Variants in ALCAM observed in about 807,000 individuals in gnomAD.
ALCAM encodes the protein activated leukocyte cell adhesion molecule, also known as CD166 antigen.
ALCAM carries 30 observed loss-of-function variants against 70.9 expected under a neutral mutation model. That is an observed-to-expected ratio of 0.42 (90% CI 0.32 to 0.57). The LOEUF (loss-of-function observed/expected upper bound fraction) is 0.57. ALCAM is among the 20% of genes least tolerant of loss of function. The pLI is 0.11. For missense variants in ALCAM, 591 were observed against 695.1 expected (o/e 0.85, Z 1.68); for synonymous variants, 249 against 242.5 (o/e 1.03, Z -0.25).
chr3:105,441,599 C>T (rs1576164990), intron 1 of ALCAM, among the ~76,000 whole-genome samples: 2 of 152,156 alleles, frequency 1.3e-5, no homozygotes, highest in African/African-American at 2.4e-5. Context: ...GACTGTGCAT[C>T]CTTCCCAACT....
intron 15 of ALCAM, among the ~76,000 whole-genome samples, chr3:105,572,389 C>T (rs1940876939): frequency 1.3e-5 from 2 of 152,146 alleles, no homozygotes; most frequent in African/African-American, 4.8e-5. Flanking sequence ...CAGCTTCATC[C>T]ATGTCCTTAC....
intron 3 of ALCAM, among the ~76,000 whole-genome samples, chr3:105,527,424 T>C (rs1196121007): frequency 1.3e-5 from 2 of 152,138 alleles, no homozygotes; most frequent in Non-Finnish European, 2.9e-5. Context: ...GATTCACTCC[T>C]CATCAGTAAA....
chr3:105,573,694 C>A (rs929650698), intron 15 of ALCAM, among the ~76,000 whole-genome samples: 7 of 152,102 alleles, frequency 4.6e-5, no homozygotes, highest in Admixed American at 1.3e-4. Context: ...GCCATTTGGA[C>A]TATTAATGTG....
At chr3:105,493,166 G>T (rs142572779) in intron 1 of ALCAM, among the ~76,000 whole-genome samples, 68 of 152,232 alleles carry the variant, frequency 4.5e-4, no homozygotes, top group African/African-American at 1.6e-3. Context: ...TGCTTGGATA[G>T]CCTTTTGCAA....
At chr3:105,400,714 G>T (rs1430967358) in intron 1 of ALCAM, among the ~76,000 whole-genome samples, 1 of 152,154 alleles carries the variant, frequency 6.6e-6, no homozygotes, top group Non-Finnish European at 1.5e-5. Flanking sequence ...TGGTAGTTGT[G>T]TTGGAAGTGG....
At chr3:105,562,696 G>T (rs1199272304) in intron 14 of ALCAM, among the ~76,000 whole-genome samples, 1 of 152,092 alleles carries the variant, frequency 6.6e-6, no homozygotes, top group African/African-American at 2.4e-5. Flanking sequence ...TTCCAAGTTT[G>T]TTAATTCGTT....
chr3:105,438,448 T>A (rs1284587947), intron 1 of ALCAM, among the ~76,000 whole-genome samples: 1 of 152,134 alleles, frequency 6.6e-6, no homozygotes, highest in Non-Finnish European at 1.5e-5. Context: ...AAAATCTCTA[T>A]AATTCAATAA....
chr3:105,489,272 C>T (rs189780548), intron 1 of ALCAM, among the ~76,000 whole-genome samples: 9 of 152,164 alleles, frequency 5.9e-5, no homozygotes, highest in South Asian at 2.1e-4. Context: ...TTAGAGGGTG[C>T]GGTGCCGAGA....
At chr3:105,541,431 C>T (rs533690032) in intron 7 of ALCAM, among the ~76,000 whole-genome samples, 1 of 151,916 alleles carries the variant, frequency 6.6e-6, no homozygotes, top group African/African-American at 2.4e-5. Flanking sequence ...TAAATCAGCT[C>T]TCAAATTCCT....
intron 1 of ALCAM, among the ~76,000 whole-genome samples, chr3:105,425,082 TGAG>T (rs10576141): frequency 0.24 from 36,660 of 151,506 alleles, 4,998 homozygotes; most frequent in Non-Finnish European, 0.33. Flanking sequence ...ATTCTACAGA[TGAG>T]GAGAATAGGG....
At chr3:105,435,062 T>A (rs1370772477) in intron 1 of ALCAM, among the ~76,000 whole-genome samples, 1 of 152,220 alleles carries the variant, frequency 6.6e-6, no homozygotes, top group African/African-American at 2.4e-5. Flanking sequence ...AGGCAATTCC[T>A]TAACTTTCTT....
intron 1 of ALCAM, among the ~76,000 whole-genome samples, chr3:105,373,932 GAA>G (rs1935308831): frequency 6.6e-6 from 1 of 152,106 alleles, no homozygotes; most frequent in African/African-American, 2.4e-5. Flanking sequence ...AATTGAACTG[GAA>G]AATAAAACCA....
intron 7 of ALCAM, among the ~76,000 whole-genome samples, chr3:105,541,012 T>C (rs1468139653): frequency 6.6e-6 from 1 of 152,034 alleles, no homozygotes; most frequent in Non-Finnish European, 1.5e-5. Context: ...AGAGCCAAAT[T>C]TGTGTCTCAG....
chr3:105,389,557 A>G (rs1935757482), intron 1 of ALCAM, among the ~76,000 whole-genome samples: 1 of 151,052 alleles, frequency 6.6e-6, no homozygotes, highest in Non-Finnish European at 1.5e-5. Flanking sequence ...CTAGTGCAAA[A>G]TTAGTATTAT....
chr3:105,519,692 G>C (rs564596414), intron 1 of ALCAM, among the ~76,000 whole-genome samples: 3 of 152,188 alleles, frequency 2.0e-5, no homozygotes, highest in Non-Finnish European at 4.4e-5. Flanking sequence ...TCTTTGTGTA[G>C]TCCCACATTT....
intron 14 of ALCAM, among the ~76,000 whole-genome samples, chr3:105,565,746 C>A (rs1037186179): frequency 1.3e-5 from 2 of 152,134 alleles, no homozygotes; most frequent in Admixed American, 6.5e-5. Flanking sequence ...ATCAGCTTAA[C>A]TTTTTTTGGA....
intron 1 of ALCAM, among the ~76,000 whole-genome samples, chr3:105,448,430 T>C (rs1309541474): frequency 6.6e-6 from 1 of 151,922 alleles, no homozygotes; most frequent in East Asian, 1.9e-4. Flanking sequence ...CCAGTAATCT[T>C]TCGAATCTTT....
At chr3:105,447,655 T>C (rs1937332060) in intron 1 of ALCAM, among the ~76,000 whole-genome samples, 1 of 152,196 alleles carries the variant, frequency 6.6e-6, no homozygotes, top group African/African-American at 2.4e-5. Context: ...CGAGCTGCAG[T>C]GAGCCATAAT....
At chr3:105,520,228 C>G (rs1372045317) in intron 2 of ALCAM, 61 bp downstream of exon 2, 1 of 1,095,006 alleles carries the variant, frequency 9.1e-7, no homozygotes, top group East Asian at 2.4e-5. Flanking sequence ...AAAATTCTTT[C>G]TGTGAGTAAC....
Sources: allele counts gnomAD v4.1 joint callset (sites outside exome capture counted in the v4.1 genomes callset), GRCh38; gene constraint gnomAD v4.1.1; transcripts MANE v1.5; gene names NCBI Gene and HGNC (gene_info 2026-07-23, HGNC 2026-07-21).